PDE4D: variants seen among roughly 807,000 people sequenced by gnomAD.
PDE4D encodes phosphodiesterase 4D, also known as 3',5'-cyclic-AMP phosphodiesterase 4D.
A neutral mutation model predicts 87.4 loss-of-function variants in PDE4D; 24 were observed. The ratio of observed to expected loss-of-function variants is 0.27; its 90% confidence interval spans 0.20 to 0.39. The LOEUF is 0.39. Among genes scored for constraint, PDE4D ranks in the 10% least tolerant of loss-of-function variants. The pLI, the probability that PDE4D is intolerant of heterozygous loss-of-function variation, is 1.00. For missense variants in PDE4D, 714 were observed against 1,041.0 expected (o/e 0.69, Z 4.32); for synonymous variants, 384 against 383.2 (o/e 1.00, Z -0.02).
intron 1 of PDE4D, among the ~76,000 whole-genome samples, chr5:59,555,903 C>T (rs1482548161): frequency 6.6e-6 from 1 of 152,128 alleles, no homozygotes; most frequent in South Asian, 2.1e-4. Context: ...TGAGCCAGAG[C>T]TTCATTAGAA....
intron 1 of PDE4D, among the ~76,000 whole-genome samples, chr5:59,464,977 C>T (rs980026750): frequency 6.6e-6 from 1 of 152,174 alleles, no homozygotes; most frequent in Non-Finnish European, 1.5e-5. Flanking sequence ...CAGGATATTT[C>T]GAGGATTAAG....
At chr5:60,189,919 G>A (rs991663103) in intron 1 of PDE4D, among the ~76,000 whole-genome samples, 2 of 152,174 alleles carry the variant, frequency 1.3e-5, no homozygotes, top group African/African-American at 2.4e-5. Context: ...GATTAGCTCT[G>A]TCTCTAACTT....
chr5:59,567,433 G>A (rs889853510), intron 1 of PDE4D, among the ~76,000 whole-genome samples: 6 of 152,144 alleles, frequency 3.9e-5, no homozygotes, highest in Non-Finnish European at 1.5e-5. Context: ...GTTGTCATAT[G>A]GAGAGTATGC....
chr5:60,049,753 C>T (rs1394895095), intron 2 of PDE4D, among the ~76,000 whole-genome samples: 1 of 152,174 alleles, frequency 6.6e-6, no homozygotes, highest in Non-Finnish European at 1.5e-5. Flanking sequence ...GCTGGGAGAA[C>T]CACTGCTCTC....
At chr5:59,224,722 G>A (rs1328705069) in intron 1 of PDE4D, among the ~76,000 whole-genome samples, 1 of 152,134 alleles carries the variant, frequency 6.6e-6, no homozygotes, top group African/African-American at 2.4e-5. Flanking sequence ...AGGCCATATG[G>A]ATGAGGCCCT....
intron 1 of PDE4D, among the ~76,000 whole-genome samples, chr5:60,379,517 A>G (rs142950556): frequency 6.6e-6 from 1 of 152,234 alleles, no homozygotes; most frequent in Non-Finnish European, 1.5e-5. Context: ...GTCCTCAGCC[A>G]CAGACATCTA....
chr5:60,118,361 A>C (rs1322403498), intron 2 of PDE4D, among the ~76,000 whole-genome samples: 1 of 152,038 alleles, frequency 6.6e-6, no homozygotes, highest in Non-Finnish European at 1.5e-5. Flanking sequence ...ACTCTACTTC[A>C]CACTTGAGGG....
intron 1 of PDE4D, among the ~76,000 whole-genome samples, chr5:59,635,864 A>G (rs1198519135): frequency 1.3e-5 from 2 of 152,232 alleles, no homozygotes; most frequent in African/African-American, 4.8e-5. Flanking sequence ...TGTTCAACAC[A>G]GTATTGGAAG....
chr5:59,125,678 A>G (rs556415926), intron 5 of PDE4D, among the ~76,000 whole-genome samples: 1 of 152,298 alleles, frequency 6.6e-6, no homozygotes, highest in East Asian at 1.9e-4. Context: ...ACTGCAGGAA[A>G]TGATCTGGAC....
At chr5:60,388,220 G>A in intron 1 of PDE4D, among the ~76,000 whole-genome samples, 1 of 151,958 alleles carries the variant, frequency 6.6e-6, no homozygotes, top group Non-Finnish European at 1.5e-5. Flanking sequence ...AAACATGATT[G>A]ACAACCCTGT....
At chr5:59,133,146 T>G (rs1003395826) in intron 5 of PDE4D, among the ~76,000 whole-genome samples, 1 of 152,150 alleles carries the variant, frequency 6.6e-6, no homozygotes. Context: ...TGCTGTCACA[T>G]GCATGAAACA....
intron 5 of PDE4D, among the ~76,000 whole-genome samples, chr5:59,130,718 ATTCTTCCCAGAGCACTGGAGAAAAAG>A (rs1776143239): frequency 6.6e-6 from 1 of 152,212 alleles, no homozygotes; most frequent in Admixed American, 6.5e-5. Flanking sequence ...GAACCAATCA[ATTCTTCCCAGAGCACTGGAGAAAAAG>A]TTCTTGTTTC....
intron 5 of PDE4D, among the ~76,000 whole-genome samples, chr5:59,041,769 G>T (rs1353748): frequency 0.57 from 87,106 of 152,050 alleles, 25,290 homozygotes; most frequent in East Asian, 0.85. Flanking sequence ...TCCCAAAGCT[G>T]TTCAGACTCA....
rs140839352 is a variant in PDE4D at position 60,477,209 on chromosome 5, T to C, written c.-90+10733A>G. Among the ~76,000 whole-genome samples the C allele has an allele frequency of 4.3e-4, 65 of 152,196 alleles. 1 individual carries two copies. Among genetic ancestry groups the C allele is most frequent in the African/African-American group, 1.5e-3 (64 of 41,538 alleles). Reference sequence around the variant, plus strand: ...ACTCACCCAGCAAATGCTATAGTAATAGCGGCTCCAAAATACAGAAATTGA... The same window carrying C: ...ACTCACCCAGCAAATGCTATAGTAACAGCGGCTCCAAAATACAGAAATTGA... On this transcript the variant is annotated intron_variant, in intron 1 of 16. Coordinates refer to the PDE4D transcript ENST00000502484.
rs1199382254 is a variant in PDE4D at position 59,771,459 on chromosome 5, A to G, written c.455+121709T>C. Among the ~76,000 whole-genome samples the G allele has an allele frequency of 2.9e-3, 222 of 76,448 alleles. 4 individuals carry two copies. Among genetic ancestry groups the G allele is most frequent in the South Asian group, 0.012 (28 of 2,254 alleles). The allele number at this position is 76,448 out of a possible 152,430, so 50.2% of individuals were successfully genotyped here. ...AAAGAAAGAAAGAAAGAAAGAAAGA[A>G]AGAAAGAAAGAAAGAAAGAAAGAAA... On this transcript the variant is annotated intron_variant, in intron 1 of 14. Coordinates refer to ENST00000340635, the MANE Select transcript of PDE4D (RefSeq NM_001104631.2).
chr5:59,157,348 A>G (rs180875665), intron 5 of PDE4D: 31 of 702,644 alleles, frequency 4.4e-5, no homozygotes, highest in Admixed American at 6.0e-5. Context: ...TATGGGTTCA[A>G]TTCCATCCAG....
intron 1 of PDE4D, among the ~76,000 whole-genome samples, chr5:60,485,995 T>G (rs1749107674): frequency 1.3e-5 from 2 of 152,312 alleles, no homozygotes; most frequent in African/African-American, 2.4e-5. Flanking sequence ...CATTTTTATG[T>G]GATTCATCTC....
chr5:59,278,771 G>GA (rs1015802581), intron 1 of PDE4D, among the ~76,000 whole-genome samples: 6 of 151,848 alleles, frequency 4.0e-5, no homozygotes, highest in African/African-American at 1.2e-4. Flanking sequence ...TATATTAATA[G>GA]AAAAAAAGGA....
In PDE4D at chr5:60,096,235, T is replaced by C. The variant is rs13173085; in HGVS notation, c.42+89322A>G. 4.6e-3 allele frequency among the ~76,000 whole-genome samples: 700 copies of C among 152,198 alleles called. 9 individuals are homozygous for C. Among genetic ancestry groups the C allele is most frequent in the Non-Finnish European group, 5.7e-3 (385 of 67,984 alleles). On this transcript the variant is annotated intron_variant, in intron 2 of 16. Transcript: ENST00000502484. ...GGTTTTTATGACCAATGGAAAAGAA[T>C]AGAAGCCTCAGAAATAACTCCACAC...
Sources: gnomAD v4.1 joint callset for allele counts (sites outside exome capture counted in the v4.1 genomes callset) on GRCh38, gnomAD v4.1.1 for gene constraint, MANE v1.5 for transcripts, NCBI Gene and HGNC (gene_info 2026-07-23, HGNC 2026-07-21) for gene names.